ZMIZ2: variants seen among roughly 807,000 people sequenced by gnomAD.
ZMIZ2 encodes the protein zinc finger MIZ-type containing 2, also known as zinc finger MIZ domain-containing protein 2.
ZMIZ2 carries 26 observed loss-of-function variants against 93.9 expected under a neutral mutation model. That is an observed-to-expected ratio of 0.28 (90% CI 0.20 to 0.38). The LOEUF (loss-of-function observed/expected upper bound fraction) is 0.38. Ranked by LOEUF, ZMIZ2 falls within the 10% of genes least tolerant of loss-of-function variation. ZMIZ2 has a pLI of 1.00. For synonymous variants in ZMIZ2, 485 were observed against 516.4 expected (o/e 0.94, Z 0.82); for missense variants, 1,023 against 1,235.0 (o/e 0.83, Z 2.57).
Position 44,758,127 on chromosome 7 carries a change from T to C in ZMIZ2, c.813+19T>C, listed in dbSNP as rs76416468. On this transcript the variant is annotated intron_variant, in intron 6 of 18. Transcript: ENST00000309315. ...CTCTGAGGTGAGTGTCCAGGTCACCTAGTTTGGGGCCTTGGGTACCAACTC... is the reference window on the plus strand; with the variant it reads ...CTCTGAGGTGAGTGTCCAGGTCACCCAGTTTGGGGCCTTGGGTACCAACTC... 35,464 of 1,516,326 alleles carry C rather than the reference T, an allele frequency of 0.023. 497 individuals carry two copies. Among genetic ancestry groups the C allele is most frequent in the Middle Eastern group, 0.039 (184 of 4,722 alleles). 93.9% of individuals were successfully genotyped at this position (1,516,326 alleles called of 1,614,324 possible).
At chr7:44,764,650 C>G (rs938107082) in intron 14 of ZMIZ2, among the ~76,000 whole-genome samples, 164 bp downstream of exon 14, 8 of 152,202 alleles carry the variant, frequency 5.3e-5, no homozygotes, top group Non-Finnish European at 7.4e-5. Flanking sequence ...ATAGGGTGGC[C>G]TTATGCAGGG....
At chr7:44,762,822 C>T in intron 11 of ZMIZ2, 59 bp from the exon 12 acceptor site, 3 of 1,464,172 alleles carry the variant, frequency 2.0e-6, no homozygotes, top group Non-Finnish European at 2.8e-6. Context: ...CACCCTTTAC[C>T]TGGCCAGGGT....
At chr7:44,748,581 G>A (rs1789826466), upstream of ZMIZ2, 1 of 152,712 alleles carries the variant, frequency 6.5e-6, no homozygotes, top group Admixed American at 6.6e-5. Context: ...GCTCCCGGCG[G>A]ACTGCGAGCA....
rs574652545 is a variant in ZMIZ2 at position 44,756,260 on chromosome 7, T to C, written c.11T>C (p.Met4Thr). The change falls in exon 2 of 19, where the codon ATG becomes ACG. Residue 4 changes from methionine (M) to threonine (T), a missense_variant. Met to Thr is a moderately conservative substitution (Grantham distance 81, BLOSUM62 -1). Around this residue, in one of 3 missense-constraint regions of ZMIZ2, gnomAD observed 656 missense variants for 777.1 expected, o/e 0.84. Coordinates refer to ENST00000309315, the MANE Select transcript of ZMIZ2 (RefSeq NM_031449.4). The stretch of plus-strand genomic sequence containing the variant: ...GCTGCTCCATTGCCAATGAACTCCA[T>C]GAACCCCATGAAACCTGCCCTGCCC... MNS[M>T]NPMKPALPPA... The C allele has an allele frequency of 1.0e-4, 166 of 1,614,022 alleles. 3 individuals carry two copies. Among genetic ancestry groups the C allele is most frequent in the South Asian group, 9.9e-4 (90 of 91,088 alleles).
Position 44,751,455 on chromosome 7 carries a change from GCA to G in ZMIZ2, c.-63+2467_-63+2468del, listed in dbSNP as rs559808598. Among the ~76,000 whole-genome samples, 104 of 152,248 alleles carry G rather than the reference GCA, an allele frequency of 6.8e-4. No homozygotes were observed. The Middle Eastern group carries it at 0.017, about 25-fold the overall frequency. ...AGGTGACCTAAAATGAGGCAGTGCT[GCA>G]CAGAGTGCTGCCTGCACTTTGAGGC... On this transcript the variant is annotated intron_variant, in intron 1 of 18. Coordinates refer to ENST00000309315, the MANE Select transcript of ZMIZ2 (RefSeq NM_031449.4).
chr7:44,767,130 A>G (rs1369778576), intron 18 of ZMIZ2, among the ~76,000 whole-genome samples: 2 of 152,178 alleles, frequency 1.3e-5, no homozygotes, highest in African/African-American at 2.4e-5. Context: ...GAACAGCTCC[A>G]AGCAGAAAAT....
chr7:44,759,684 G>T (rs1010441237), intron 7 of ZMIZ2: 10 of 459,984 alleles, frequency 2.2e-5, no homozygotes, highest in African/African-American at 2.0e-4. Context: ...TTGGGATCCA[G>T]TTCCGAAAGG....
chr7:44,758,147 C>T, intron 6 of ZMIZ2, 39 bp downstream of exon 6: 1 of 1,499,264 alleles, frequency 6.7e-7, no homozygotes, highest in Non-Finnish European at 8.9e-7. Flanking sequence ...CCTTGGGTAC[C>T]AACTCCCTCA....
intron 6 of ZMIZ2, 127 bp downstream of exon 6, chr7:44,758,235 T>C: frequency 7.9e-7 from 1 of 1,258,380 alleles, no homozygotes; most frequent in Non-Finnish European, 1.0e-6. Context: ...GTCCCTGCAC[T>C]TTGGGAAACC....
At position 44,758,111 on chromosome 7, in the gene ZMIZ2, G is replaced by A. The variant is rs1481691259; in HGVS notation, c.813+3G>A. ...GGGTCAAGAGAACCTACTCTGAGGTGAGTGTCCAGGTCACCTAGTTTGGGG... is the reference window on the plus strand; with the variant it reads ...GGGTCAAGAGAACCTACTCTGAGGTAAGTGTCCAGGTCACCTAGTTTGGGG... On this transcript the variant is annotated splice_donor_region_variant and intron_variant, in intron 6 of 18. Transcript: ENST00000309315. The A allele has an allele frequency of 6.5e-7, 1 of 1,541,472 alleles. No individual in the cohort carries two copies. Among genetic ancestry groups the A allele is most frequent in the Non-Finnish European group, 8.7e-7 (1 of 1,144,616 alleles).
At chr7:44,764,033 G>A (rs569686033) in intron 13 of ZMIZ2, among the ~76,000 whole-genome samples, 24 of 152,302 alleles carry the variant, frequency 1.6e-4, no homozygotes, top group Non-Finnish European at 2.8e-4. Context: ...AGCCACTTAC[G>A]AGGCTGAGGT....
upstream of ZMIZ2, chr7:44,748,758 G>C (rs1192304698): frequency 6.6e-6 from 1 of 151,314 alleles, no homozygotes; most frequent in Non-Finnish European, 1.5e-5. Flanking sequence ...CGCCCCGAGC[G>C]CCGGCTCGGG....
At position 44,763,516 on chromosome 7, in the gene ZMIZ2, T is replaced by C; in HGVS notation, c.1860+103T>C. 1 of 1,482,522 alleles carries C rather than the reference T, an allele frequency of 6.7e-7. No homozygotes were observed. The highest frequency in any genetic ancestry group is 9.1e-7 in the Non-Finnish European group (1 of 1,100,910). The allele number at this position is 1,482,522 out of a possible 1,614,324, so 91.8% of individuals were successfully genotyped here. A position where few individuals can be genotyped will look rare whatever the true frequency, so the allele number is the denominator to read the frequency against. Reference sequence around the variant, plus strand: ...TGGACAGACGTGAACTCCGAGTGCCTTGGCTGTCAGGCTGACAGGACAGGC... The same window carrying C: ...TGGACAGACGTGAACTCCGAGTGCCCTGGCTGTCAGGCTGACAGGACAGGC... On this transcript the variant is annotated intron_variant, in intron 13 of 18. Coordinates refer to ENST00000309315, the MANE Select transcript of ZMIZ2 (RefSeq NM_031449.4). The surrounding 1 kb of genome is among the most constrained non-coding windows in gnomAD (Gnocchi z 5.6).
chr7:44,764,115 G>A (rs1791462652), intron 13 of ZMIZ2, among the ~76,000 whole-genome samples: 1 of 152,156 alleles, frequency 6.6e-6, no homozygotes, highest in Non-Finnish European at 1.5e-5. Context: ...TCCAGCCTGG[G>A]TGACAGAGCG....
chr7:44,766,363 C>T lies in ZMIZ2; in HGVS notation c.2412+30C>T. 6.2e-7 allele frequency: 1 copy of T among 1,607,054 alleles called. No individual in the cohort carries two copies. Among genetic ancestry groups the T allele is most frequent in the Non-Finnish European group, 8.5e-7 (1 of 1,175,316 alleles). ...GTGCCAAGCCGAGAGGCCAAGGGGC[C>T]CTGTCTCCCCAGGGGAGCCCCTGAG... On this transcript the variant is annotated intron_variant, in intron 17 of 18. Transcript: ENST00000309315. This position sits in a 1 kb window ranked among gnomAD's most constrained non-coding sequence, Gnocchi z 4.4.
chr7:44,759,530 C>T, intron 7 of ZMIZ2, 70 bp downstream of exon 7: 1 of 1,312,382 alleles, frequency 7.6e-7, no homozygotes. Context: ...GACCTTGGGG[C>T]AGTCCTGTCC....
At position 44,760,189 on chromosome 7, in the gene ZMIZ2, C is replaced by T. The variant is rs1432362612; in HGVS notation, c.1032C>T (p.Asn344=). ...EQFNGQGASF[N]GGSVSYSQPG... is the part of the protein sequence containing the mutation. Reference sequence around the variant, plus strand: ...TCAACGGGCAGGGCGCCAGCTTCAACGGGGGCAGCGTCAGCTACAGCCAAC... The same window carrying T: ...TCAACGGGCAGGGCGCCAGCTTCAATGGGGGCAGCGTCAGCTACAGCCAAC... The change falls in exon 8 of 19, where the codon AAC becomes AAT. Residue 344 remains asparagine, a synonymous_variant. Coordinates refer to ENST00000309315, the MANE Select transcript of ZMIZ2 (RefSeq NM_031449.4). The T allele has an allele frequency of 1.6e-5, 26 of 1,613,532 alleles. No individual in the cohort carries two copies. Among genetic ancestry groups the T allele is most frequent in the Non-Finnish European group, 2.1e-5 (25 of 1,179,894 alleles).
In ZMIZ2 at chr7:44,761,633, C is replaced by CT; in HGVS notation, c.1385+41dup. The CT allele has an allele frequency of 6.2e-7, 1 of 1,613,440 alleles. No individual in the cohort carries two copies. Among genetic ancestry groups the CT allele is most frequent in the Non-Finnish European group, 8.5e-7 (1 of 1,179,604 alleles). On this transcript the variant is annotated intron_variant, in intron 10 of 18. Coordinates refer to ENST00000309315, the MANE Select transcript of ZMIZ2 (RefSeq NM_031449.4). This position sits in a 1 kb window ranked among gnomAD's most constrained non-coding sequence, Gnocchi z 5.8. ...GCCCCCACCTGACCCCCACGAGGCT[C>CT]TGTTCCTCCTCCCACACTCTCAGGG...
At chr7:44,748,572 C>T (rs923404940), upstream of ZMIZ2, 1 of 152,760 alleles carries the variant, frequency 6.5e-6, no homozygotes. Context: ...CCCCGCCCCG[C>T]TCCCGGCGGA....
Sources: allele counts gnomAD v4.1 joint callset (sites outside exome capture counted in the v4.1 genomes callset), GRCh38; gene constraint gnomAD v4.1.1; regional missense constraint gnomAD v4.1.1; non-coding constraint Gnocchi (gnomAD v3.1); transcripts MANE v1.5; gene names NCBI Gene and HGNC (gene_info 2026-07-23, HGNC 2026-07-21).